Variants in GRIA3 observed in about 807,000 individuals in gnomAD.
GRIA3 encodes the protein glutamate receptor 3.
Under a neutral mutation model 63.0 loss-of-function variants are expected in GRIA3, and 3 were observed. The ratio of observed to expected loss-of-function variants is 0.05; its 90% CI spans 0.02 to 0.12. The LOEUF is 0.12. Among genes scored for constraint, GRIA3 ranks in the 10% least tolerant of loss-of-function variants. The probability of loss-of-function intolerance (pLI) is 1.00; values close to 1 mark genes in which losing one functional copy is unlikely to be tolerated. For synonymous variants in GRIA3, 274 were observed against 257.9 expected, an observed-to-expected ratio of 1.06 and a Z score of -0.60; for missense variants, 347 against 700.9, an observed-to-expected ratio of 0.50 and a Z score of 5.70.
At chrX:123,359,118 A>G (rs1001829673) in intron 5 of GRIA3, among the ~76,000 whole-genome samples, 1 of 111,686 alleles carries the variant, frequency 9.0e-6, no homozygotes, top group Non-Finnish European at 1.9e-5. Context: ...GTATTTCCCA[A>G]AATGTACATG....
At chrX:123,250,394 A>T (rs1473851381) in intron 2 of GRIA3, among the ~76,000 whole-genome samples, 1 of 112,103 alleles carries the variant, frequency 8.9e-6, no homozygotes, top group Non-Finnish European at 1.9e-5. Context: ...AATCAACCAG[A>T]ACCTCGCCAC....
In GRIA3 at chrX:123,253,430, C is replaced by T. The variant is rs192636764; in HGVS notation, c.396C>T (p.Asp132=). Residue 132 remains aspartate (D), a synonymous_variant, in exon 3 of 16, where the codon GAC becomes GAT. Transcript: ENST00000620443. ...TTGTTACGCCTAGCTTCCCCACTGA[C>T]GCAGATGTGCAGTTTGTCATCCAGA... ...TSFVTPSFPT[D]ADVQFVIQMR... 6.1e-5 allele frequency: 74 copies of T among 1,209,525 alleles called. No individual in the cohort carries two copies. The highest frequency in any genetic ancestry group is 2.8e-4 in the South Asian group (16 of 56,780).
chrX:123,392,606 C>T (rs961598003), intron 5 of GRIA3, among the ~76,000 whole-genome samples: 20 of 111,923 alleles, frequency 1.8e-4, no homozygotes, highest in African/African-American at 9.7e-5. Flanking sequence ...GGGTCTCTCA[C>T]TTGTCCTTTA....
At chrX:123,419,555 C>G (rs757345253) in intron 11 of GRIA3, among the ~76,000 whole-genome samples, 4 of 110,964 alleles carry the variant, frequency 3.6e-5, no homozygotes, top group Admixed American at 9.6e-5. Context: ...ACAGAAAGTA[C>G]GTTAGTTGTT....
chrX:123,387,425 T>A (rs183293551), intron 5 of GRIA3, among the ~76,000 whole-genome samples: 146 of 111,796 alleles, frequency 1.3e-3, no homozygotes, highest in African/African-American at 4.3e-3. Flanking sequence ...TATGGACCTT[T>A]CTTTTTCCTA....
intron 5 of GRIA3, among the ~76,000 whole-genome samples, chrX:123,360,695 CAAA>C (rs751591594): frequency 1.9e-5 from 1 of 52,424 alleles, no homozygotes; most frequent in Non-Finnish European, 3.3e-5. Flanking sequence ...GACTCTGTCT[CAAA>C]AAAAAAAAAA....
At chrX:123,188,596 G>T (rs1927341389) in intron 2 of GRIA3, among the ~76,000 whole-genome samples, 1 of 110,940 alleles carries the variant, frequency 9.0e-6, no homozygotes, top group South Asian at 3.9e-4. Flanking sequence ...GAGACCTAGG[G>T]AGAATTCCAG....
Position 123,341,976 on chromosome X carries a change from T to G in GRIA3, c.697-12934T>G, listed in dbSNP as rs1339259685. Among the ~76,000 whole-genome samples, 8 of 109,959 alleles carry G rather than the reference T, an allele frequency of 7.3e-5. No individual in the cohort carries two copies. In the South Asian group the frequency reaches 1.2e-3, roughly 16 times the overall value. On this transcript the variant is annotated intron_variant, in intron 4 of 15. Transcript: ENST00000620443. ...GAAGTAGATAGGACTAAGAGTGGGT[T>G]TTTTTTTTTCATTACATAGATGAGA... is the stretch of plus-strand genomic sequence containing the variant.
chrX:123,290,710 T>C (rs2044650932), intron 3 of GRIA3, among the ~76,000 whole-genome samples: 1 of 110,943 alleles, frequency 9.0e-6, no homozygotes, highest in South Asian at 3.8e-4. Flanking sequence ...AACTTTTACA[T>C]TTCTGCAGAG....
intron 2 of GRIA3, among the ~76,000 whole-genome samples, chrX:123,223,830 T>A (rs2044231005): frequency 8.9e-6 from 1 of 112,371 alleles, no homozygotes; most frequent in South Asian, 3.7e-4. Context: ...CTTTTAGTGA[T>A]ACACAGCTAA....
intron 13 of GRIA3, among the ~76,000 whole-genome samples, chrX:123,472,222 A>C (rs2045867546): frequency 9.5e-6 from 1 of 105,702 alleles, no homozygotes; most frequent in African/African-American, 3.4e-5. Flanking sequence ...AGGGATGGCT[A>C]TTGGAGAATA....
intron 7 of GRIA3, among the ~76,000 whole-genome samples, chrX:123,402,052 A>C (rs996064174): frequency 9.0e-6 from 1 of 111,467 alleles, no homozygotes; most frequent in Non-Finnish European, 1.9e-5. Flanking sequence ...CATACATGAA[A>C]TCGGCATTTG....
rs746860173 is a variant in GRIA3 at position 123,455,487 on chromosome X, ACTT to A, written c.2077-9373_2077-9371del. Among the ~76,000 whole-genome samples the A allele has an allele frequency of 4.5e-4, 50 of 112,099 alleles. No individual in the cohort carries two copies. The East Asian group carries it at 7.9e-3, about 18-fold the overall frequency. ...CAAATGCACCTTATTAGAGCTATTG[ACTT>A]CTTCAAAACATAAGTGGAAGAAAAA... On this transcript the variant is annotated intron_variant, in intron 12 of 15. Coordinates refer to ENST00000620443, the MANE Select transcript of GRIA3 (RefSeq NM_007325.5).
At chrX:123,258,958 T>A (rs2044434485) in intron 3 of GRIA3, among the ~76,000 whole-genome samples, 1 of 112,409 alleles carries the variant, frequency 8.9e-6, no homozygotes, top group Non-Finnish European at 1.9e-5. Flanking sequence ...GCTAGGCCAC[T>A]GGTGGGGTTT....
chrX:123,196,576 C>T (rs1263155236), intron 2 of GRIA3, among the ~76,000 whole-genome samples: 1 of 111,917 alleles, frequency 8.9e-6, no homozygotes, highest in Non-Finnish European at 1.9e-5. Flanking sequence ...ATTCAGCTAA[C>T]CAAAAATCCC....
intron 5 of GRIA3, among the ~76,000 whole-genome samples, chrX:123,367,706 G>A (rs1017517830): frequency 9.0e-6 from 1 of 111,318 alleles, no homozygotes; most frequent in African/African-American, 3.3e-5. Context: ...CAAAGTGCAC[G>A]GATTACAGGC....
Position 123,203,652 on chromosome X carries a change from G to A in GRIA3, c.268+17662G>A, listed in dbSNP as rs929111651. ...CCATGCTCTGAAATTTATATCTCAT[G>A]GCCTATTCCCCCACTCATCAAGCTC... is the stretch of plus-strand genomic sequence containing the variant. On this transcript the variant is annotated intron_variant, in intron 2 of 15. Transcript: ENST00000620443. 2.7e-5 allele frequency among the ~76,000 whole-genome samples: 3 copies of A among 111,516 alleles called. No individual in the cohort carries two copies. The Admixed American group carries it at 2.9e-4, about 11-fold the overall frequency.
chrX:123,354,864 A>T, intron 4 of GRIA3, 46 bp from the exon 5 acceptor site: 1 of 996,139 alleles, frequency 1.0e-6, no homozygotes. Context: ...GCAATTGAAA[A>T]TGTCCTTCTT....
intron 10 of GRIA3, among the ~76,000 whole-genome samples, chrX:123,410,018 C>A (rs1445728636): frequency 8.9e-6 from 1 of 111,869 alleles, no homozygotes; most frequent in Non-Finnish European, 1.9e-5. Context: ...AAGGGGCTTA[C>A]AATCTAGTTG....
Sources: allele counts gnomAD v4.1 joint callset (sites outside exome capture counted in the v4.1 genomes callset), GRCh38; gene constraint gnomAD v4.1.1; transcripts MANE v1.5; gene names NCBI Gene and HGNC (gene_info 2026-07-23, HGNC 2026-07-21).